SYNGR1: variants seen among roughly 807,000 people sequenced by gnomAD.
SYNGR1 encodes synaptogyrin-1.
In SYNGR1, 14 loss-of-function variants were observed where a neutral mutation model predicts 26.1. That is an observed-to-expected ratio of 0.54 (90% CI 0.35 to 0.84). SYNGR1 has a LOEUF of 0.84. SYNGR1 is among the 40% of genes least tolerant of loss of function. The pLI, the probability that SYNGR1 is intolerant of heterozygous loss-of-function variation, is 0.01. For synonymous variants in SYNGR1, 141 were observed against 150.1 expected (o/e 0.94, Z 0.44); for missense variants, 319 against 332.9 (o/e 0.96, Z 0.33).
chr22:39,356,307 G>C (rs898907531), intron 1 of SYNGR1, among the ~76,000 whole-genome samples: 1 of 152,208 alleles, frequency 6.6e-6, no homozygotes, highest in Admixed American at 6.5e-5. Context: ...CGCCTGCCCC[G>C]GCCTCCCAAA....
intron 1 of SYNGR1, among the ~76,000 whole-genome samples, chr22:39,361,090 A>T (rs112713749): frequency 6.6e-6 from 1 of 152,136 alleles, no homozygotes; most frequent in Admixed American, 6.5e-5. Context: ...GCCTTCCTGG[A>T]TTCTCCCAAG....
At chr22:39,354,965 C>A (rs185536828) in intron 1 of SYNGR1, among the ~76,000 whole-genome samples, 80 of 152,118 alleles carry the variant, frequency 5.3e-4, no homozygotes, top group Non-Finnish European at 2.9e-5. Context: ...CTGGGACCAG[C>A]GGTTGTTGGG....
chr22:39,353,696 C>T (rs1045233284), intron 1 of SYNGR1, among the ~76,000 whole-genome samples: 1 of 152,192 alleles, frequency 6.6e-6, no homozygotes, highest in Non-Finnish European at 1.5e-5. Context: ...CTGTCAGTGA[C>T]TCATTTCTTT....
intron 2 of SYNGR1, 74 bp downstream of exon 2, chr22:39,374,627 A>ATAGGAGGC: frequency 6.7e-7 from 1 of 1,482,420 alleles, no homozygotes; most frequent in Non-Finnish European, 9.3e-7. Context: ...GGCGGCTGCC[A>ATAGGAGGC]CCCTTCTTCC....
Position 39,384,268 on chromosome 22 carries a change from G to T in SYNGR1, c.*2354G>T, listed in dbSNP as rs1236159309. The T allele has an allele frequency of 5.6e-6, 2 of 360,000 alleles. No homozygotes were observed. The highest frequency in any genetic ancestry group is 9.9e-6 in the Non-Finnish European group (2 of 201,522). The allele number at this position is 360,000 out of a possible 1,614,324, so 22.3% of individuals were successfully genotyped here. A position where few individuals can be genotyped will look rare whatever the true frequency, so the allele number is the denominator to read the frequency against. On this transcript the variant is annotated 3_prime_UTR_variant, in exon 4 of 4. Transcript: ENST00000328933. Reference sequence around the variant, plus strand: ...CCTCGGGTGCCAGCCAGCTGCTGGTGATCCTCAGCCGGAGGGCAGGGTACC... The same window carrying T: ...CCTCGGGTGCCAGCCAGCTGCTGGTTATCCTCAGCCGGAGGGCAGGGTACC...
chr22:39,350,194 CCG>C lies in SYNGR1; in HGVS notation c.99+86_99+87del. ...CGGCGCGCCCGGACCGACCCCGACC[CCG>C]ACCCCAACGGGCCCCCGGCGGCGGC... is the stretch of plus-strand genomic sequence containing the variant. On this transcript the variant is annotated intron_variant, in intron 1 of 3. Transcript: ENST00000328933. The surrounding 1 kb of genome is among the most constrained non-coding windows in gnomAD (Gnocchi z 4.3). 1.0e-6 allele frequency: 1 copy of C among 973,952 alleles called. No individual in the cohort carries two copies. The highest frequency in any genetic ancestry group is 3.1e-5 in the South Asian group (1 of 32,362). The allele number at this position is 973,952 out of a possible 1,614,324, so 60.3% of individuals were successfully genotyped here.
chr22:39,374,404 G>T lies in SYNGR1; in HGVS notation c.188G>T (p.Arg63Leu). The T allele has an allele frequency of 6.2e-7, 1 of 1,614,040 alleles. No homozygotes were observed. The highest frequency in any genetic ancestry group is 8.5e-7 in the Non-Finnish European group (1 of 1,180,032). Reference sequence around the variant, plus strand: ...GGGGAGGAGTTCTGCATCTACAACCGCAACCCCAACGCCTGCAGCTATGGC... The same window carrying T: ...GGGGAGGAGTTCTGCATCTACAACCTCAACCCCAACGCCTGCAGCTATGGC... ...SEGEEFCIYN[R>L]NPNACSYGVA... The change falls in exon 2 of 4, where the codon CGC becomes CTC. Residue 63 changes from arginine to leucine, a missense_variant. Physicochemically the swap from Arg to Leu is moderately radical, Grantham distance 102 (BLOSUM62 -2). Transcript: ENST00000328933.
At chr22:39,356,331 A>T (rs1924143299) in intron 1 of SYNGR1, among the ~76,000 whole-genome samples, 1 of 152,202 alleles carries the variant, frequency 6.6e-6, no homozygotes, top group South Asian at 2.1e-4. Flanking sequence ...CTGGGATTAC[A>T]GGTGTGAGCC....
chr22:39,364,046 T>C, intron 1 of SYNGR1: 1 of 1,348,986 alleles, frequency 7.4e-7, no homozygotes, highest in South Asian at 1.3e-5. Flanking sequence ...TGAGCCTTCG[T>C]TAGCCGACGC....
chr22:39,368,742 T>A (rs1924885630), intron 1 of SYNGR1, among the ~76,000 whole-genome samples: 2 of 148,978 alleles, frequency 1.3e-5, no homozygotes, highest in South Asian at 4.3e-4. Flanking sequence ...AGCCTGATAT[T>A]GTTCTGTTTT....
chr22:39,353,305 T>G (rs568398587), intron 1 of SYNGR1, among the ~76,000 whole-genome samples: 2 of 152,198 alleles, frequency 1.3e-5, no homozygotes, highest in East Asian at 3.9e-4. Flanking sequence ...AGCCCCTGGG[T>G]CAGCCTGCAC....
At chr22:39,358,830 C>G (rs1037910022) in intron 1 of SYNGR1, among the ~76,000 whole-genome samples, 1 of 152,198 alleles carries the variant, frequency 6.6e-6, no homozygotes, top group African/African-American at 2.4e-5. Flanking sequence ...CCTGGAAGGG[C>G]AGTCATGCCC....
chr22:39,356,563 A>T (rs1924152891), intron 1 of SYNGR1, among the ~76,000 whole-genome samples: 3 of 152,026 alleles, frequency 2.0e-5, no homozygotes, highest in African/African-American at 7.2e-5. Flanking sequence ...CCCCAGGGAG[A>T]AAAAACAGAG....
chr22:39,353,515 C>T (rs1346170846), intron 1 of SYNGR1, among the ~76,000 whole-genome samples: 1 of 152,224 alleles, frequency 6.6e-6, no homozygotes, highest in Non-Finnish European at 1.5e-5. Context: ...GCTTTCTCAC[C>T]TCTTGGTGTC....
chr22:39,371,286 G>A (rs9611164), intron 1 of SYNGR1, among the ~76,000 whole-genome samples: 85,281 of 151,416 alleles, frequency 0.56, 26,338 homozygotes, highest in East Asian at 0.95. Context: ...AGACCAGCCT[G>A]ACCAACATGG....
At chr22:39,359,371 T>G (rs1924348455) in intron 1 of SYNGR1, among the ~76,000 whole-genome samples, 1 of 151,620 alleles carries the variant, frequency 6.6e-6, no homozygotes. Flanking sequence ...CCTGTAATCC[T>G]AGCATTTTGG....
chr22:39,375,377 C>T (rs1432450714), intron 2 of SYNGR1: 2 of 159,166 alleles, frequency 1.3e-5, no homozygotes, highest in Non-Finnish European at 2.8e-5. Context: ...AGATGCACGC[C>T]TTGTCCTGAG....
rs1288211194 is a variant in SYNGR1, at chr22:39,350,263, G to A, written c.99+154G>A. 6.6e-6 allele frequency among the ~76,000 whole-genome samples: 1 copy of A among 151,802 alleles called. No homozygotes were observed. Among genetic ancestry groups the A allele is most frequent in the Non-Finnish European group, 1.5e-5 (1 of 67,902 alleles). ...AGCTGTCCTGCCTGCGGGGCCCGCT[G>A]CCGCCGCTCCTCCTTCCCGGGCCCG... On this transcript the variant is annotated intron_variant, in intron 1 of 3. Transcript: ENST00000328933. This position sits in a 1 kb window ranked among gnomAD's most constrained non-coding sequence, Gnocchi z 4.3.
intron 3 of SYNGR1, chr22:39,377,305 C>T (rs990572511): frequency 2.0e-6 from 2 of 985,426 alleles, no homozygotes; most frequent in Non-Finnish European, 1.2e-6. Context: ...GTGGTTCAGG[C>T]CCTAGTGGGC....
Sources: gnomAD v4.1 joint callset for allele counts (sites outside exome capture counted in the v4.1 genomes callset) on GRCh38, gnomAD v4.1.1 for gene constraint, Gnocchi (gnomAD v3.1) non-coding constraint, MANE v1.5 for transcripts, NCBI Gene and HGNC (gene_info 2026-07-23, HGNC 2026-07-21) for gene names.